The following PGBD5 variants were observed in gnomAD, a reference collection of about 807,000 sequenced individuals.
The protein encoded by PGBD5 is piggyBac transposable element derived 5.
PGBD5 carries 14 observed loss-of-function variants against 47.9 expected under a neutral mutation model. The ratio of observed to expected loss-of-function variants is 0.29; its 90% CI spans 0.19 to 0.46. PGBD5 has a LOEUF of 0.46. Ranked by LOEUF, PGBD5 falls within the 20% of genes least tolerant of loss-of-function variation. The pLI is 1.00. For synonymous variants in PGBD5, 316 were observed against 306.3 expected (o/e 1.03, Z -0.33); for missense variants, 635 against 716.0 (o/e 0.89, Z 1.29).
chr1:230,412,944 C>T (rs2102750996), intron 1 of PGBD5, among the ~76,000 whole-genome samples: 1 of 152,258 alleles, frequency 6.6e-6, no homozygotes. Flanking sequence ...CCACAACCAC[C>T]ACCTGCCTTC....
intron 4 of PGBD5, among the ~76,000 whole-genome samples, chr1:230,335,044 TAC>T (rs371907507): frequency 2.2e-5 from 3 of 138,746 alleles, no homozygotes; most frequent in African/African-American, 5.1e-5. Context: ...CACACACAGG[TAC>T]ACACACAGAC....
intron 1 of PGBD5, chr1:230,362,390 C>T (rs371106664): frequency 7.3e-7 from 1 of 1,361,580 alleles, no homozygotes; most frequent in Admixed American, 1.9e-5. Flanking sequence ...GGATGACAGA[C>T]AGTTGTGGAG....
At chr1:230,376,057 A>G (rs1487628665) in intron 1 of PGBD5, among the ~76,000 whole-genome samples, 1 of 151,882 alleles carries the variant, frequency 6.6e-6, no homozygotes, top group East Asian at 1.9e-4. Context: ...TTTCATGGTC[A>G]TCCCACAGCC....
rs1256669840 is a variant in PGBD5, at chr1:230,319,717, G to A, written c.*3708C>T. 2 of 152,152 alleles carry A rather than the reference G, an allele frequency of 1.3e-5. No homozygotes were observed. Among genetic ancestry groups the A allele is most frequent in the African/African-American group, 4.8e-5 (2 of 41,408 alleles). The allele number at this position is 152,152 out of a possible 1,614,324, so 9.4% of individuals were successfully genotyped here. A position where few individuals can be genotyped will look rare whatever the true frequency, so the allele number is the denominator to read the frequency against. The stretch of plus-strand genomic sequence containing the variant: ...TGGTGACCAAGCCTCATCTGATTTA[G>A]TCAGTACTGGATGTGTTTGCTCAGA... On this transcript the variant is annotated 3_prime_UTR_variant, in exon 7 of 7. Coordinates refer to ENST00000391860, the MANE Select transcript of PGBD5 (RefSeq NM_001258311.2).
intron 1 of PGBD5, among the ~76,000 whole-genome samples, chr1:230,408,524 T>A (rs1657345277): frequency 6.6e-6 from 1 of 152,154 alleles, no homozygotes; most frequent in East Asian, 1.9e-4. Flanking sequence ...TATTGCGAAG[T>A]AGTCAAGAAG....
intron 6 of PGBD5, 53 bp downstream of exon 6, chr1:230,325,257 G>A (rs557631136): frequency 2.4e-5 from 31 of 1,318,984 alleles, no homozygotes; most frequent in South Asian, 2.1e-4. Context: ...CATCTCTTCC[G>A]AGACGGCACA....
chr1:230,327,613 G>C (rs1473965048), intron 5 of PGBD5, among the ~76,000 whole-genome samples: 1 of 152,226 alleles, frequency 6.6e-6, no homozygotes, highest in East Asian at 1.9e-4. Context: ...CTTCCTCCTG[G>C]CCGGAAGACT....
At chr1:230,414,168 T>C (rs988009556) in intron 1 of PGBD5, among the ~76,000 whole-genome samples, 2 of 152,104 alleles carry the variant, frequency 1.3e-5, no homozygotes, top group Non-Finnish European at 2.9e-5. Context: ...TGTAGGACCC[T>C]ATATAATCCC....
chr1:230,333,530 T>C (rs1558191812), intron 4 of PGBD5, among the ~76,000 whole-genome samples: 1 of 152,214 alleles, frequency 6.6e-6, no homozygotes, highest in Non-Finnish European at 1.5e-5. Flanking sequence ...AGCCCAGGAC[T>C]GTCCAGCATC....
Position 230,349,931 on chromosome 1 carries a change from G to C in PGBD5, c.894+1027C>G, listed in dbSNP as rs1667535728. 2.0e-5 allele frequency among the ~76,000 whole-genome samples: 3 copies of C among 152,240 alleles called. No homozygotes were observed. The South Asian group carries it at 6.2e-4, about 31-fold the overall frequency. ...CCCAACTCAACCTGAAGGTCCCTCA[G>C]ACCTGCAGAAGGAGCCGAGATGGTG... On this transcript the variant is annotated intron_variant, in intron 3 of 6. Transcript: ENST00000391860.
rs1278730669 is a variant in PGBD5 at position 230,357,608 on chromosome 1, G to A, written c.332-287C>T. 2.0e-5 allele frequency among the ~76,000 whole-genome samples: 3 copies of A among 152,130 alleles called. No individual in the cohort carries two copies. Among genetic ancestry groups the A allele is most frequent in the Admixed American group, 2.0e-4 (3 of 15,274 alleles). On this transcript the variant is annotated intron_variant, in intron 1 of 6. Coordinates refer to ENST00000391860, the MANE Select transcript of PGBD5 (RefSeq NM_001258311.2). The surrounding 1 kb of genome is among the most constrained non-coding windows in gnomAD (Gnocchi z 5.7). ...ACAGGAACAAACAGCCCTGACACCC[G>A]GAGTGCAAGCTGCAGCCTGCATCTC...
chr1:230,350,858 T>A (rs755008944), intron 3 of PGBD5, 100 bp downstream of exon 3: 98 of 1,493,312 alleles, frequency 6.6e-5, no homozygotes, highest in Admixed American at 9.8e-5. Context: ...GTGAAAAGGG[T>A]ATGTGAACAA....
chr1:230,426,260 G>GCCACCA lies in PGBD5; in HGVS notation c.-333_-332insTGGTGG, dbSNP rs1657785548. 1 of 150,626 alleles carries GCCACCA rather than the reference G, an allele frequency of 6.6e-6. No homozygotes were observed. Among genetic ancestry groups the GCCACCA allele is most frequent in the East Asian group, 1.9e-4 (1 of 5,194 alleles). 9.3% of individuals were successfully genotyped at this position (150,626 alleles called of 1,614,324 possible). On this transcript the variant is annotated 5_prime_UTR_variant, in exon 1 of 7. Coordinates refer to ENST00000391860, the MANE Select transcript of PGBD5 (RefSeq NM_001258311.2). ...CACCGCCGCCACCACCGCCACCACC[G>GCCACCA]CCGCCGCTGCGTCTCCTCGGCGCCC...
intron 1 of PGBD5, among the ~76,000 whole-genome samples, chr1:230,387,885 C>T (rs1656685112): frequency 6.6e-6 from 1 of 152,044 alleles, no homozygotes; most frequent in Non-Finnish European, 1.5e-5. Context: ...CAGGAATACG[C>T]CGTAGGGTTA....
intron 1 of PGBD5, among the ~76,000 whole-genome samples, chr1:230,383,681 C>T (rs1400731465): frequency 2.6e-5 from 4 of 152,154 alleles, no homozygotes; most frequent in Non-Finnish European, 5.9e-5. Context: ...ATCATGCCAA[C>T]CCCACAGTCT....
intron 3 of PGBD5, among the ~76,000 whole-genome samples, chr1:230,349,338 G>C (rs1232974028): frequency 6.6e-6 from 1 of 151,862 alleles, no homozygotes; most frequent in Non-Finnish European, 1.5e-5. Flanking sequence ...GATCAGCCTG[G>C]GCAACACAGT....
chr1:230,382,219 C>T (rs888565185), intron 1 of PGBD5, among the ~76,000 whole-genome samples: 3 of 152,156 alleles, frequency 2.0e-5, no homozygotes, highest in African/African-American at 4.8e-5. Context: ...GCTGCAGAAT[C>T]GCCTGTGGTT....
chr1:230,335,116 CAG>C (rs776601078), intron 4 of PGBD5, among the ~76,000 whole-genome samples: 2 of 138,950 alleles, frequency 1.4e-5, no homozygotes, highest in Non-Finnish European at 3.2e-5. Context: ...CACAGATACA[CAG>C]ATACAGACAC....
At chr1:230,353,779 A>G (rs929374764) in intron 2 of PGBD5, among the ~76,000 whole-genome samples, 2 of 152,208 alleles carry the variant, frequency 1.3e-5, no homozygotes, top group African/African-American at 4.8e-5. Context: ...CAAGCAAATC[A>G]TTGCCTCTCT....
Sources: allele counts gnomAD v4.1 joint callset (sites outside exome capture counted in the v4.1 genomes callset), GRCh38; gene constraint gnomAD v4.1.1; non-coding constraint Gnocchi (gnomAD v3.1); transcripts MANE v1.5; gene names NCBI Gene and HGNC (gene_info 2026-07-23, HGNC 2026-07-21).